Variants in SSBP3 observed in about 807,000 individuals in gnomAD.
SSBP3 encodes single stranded DNA binding protein 3, also known as single-stranded DNA-binding protein 3.
A neutral mutation model predicts 69.6 loss-of-function variants in SSBP3; 5 were observed. The ratio of observed to expected loss-of-function variants is 0.07; its 90% CI spans 0.04 to 0.15. SSBP3 has a LOEUF of 0.15. SSBP3 is among the 10% of genes least tolerant of loss of function. SSBP3 has a pLI of 1.00. For missense variants in SSBP3, 312 were observed against 534.0 expected (o/e 0.58, Z 4.10); for synonymous variants, 196 against 193.4 (o/e 1.01, Z -0.11).
chr1:54,385,927 C>T (rs890411562), intron 4 of SSBP3, among the ~76,000 whole-genome samples: 1 of 152,196 alleles, frequency 6.6e-6, no homozygotes, highest in African/African-American at 2.4e-5. Flanking sequence ...ACCCCATATT[C>T]ATCAGACACA....
At chr1:54,290,137 A>G (rs1467843797) in intron 4 of SSBP3, among the ~76,000 whole-genome samples, 7 of 152,214 alleles carry the variant, frequency 4.6e-5, no homozygotes, top group Admixed American at 4.6e-4. Context: ...TCTCTGATAC[A>G]AATTTCAGAA....
intron 3 of SSBP3, among the ~76,000 whole-genome samples, chr1:54,402,254 G>A (rs186234704): frequency 8.2e-4 from 125 of 152,210 alleles, no homozygotes; most frequent in African/African-American, 2.9e-3. Flanking sequence ...CTTTACACAG[G>A]GGGCAACTGA....
chr1:54,327,190 C>A (rs1314192099), intron 4 of SSBP3, among the ~76,000 whole-genome samples: 2 of 148,158 alleles, frequency 1.3e-5, no homozygotes, highest in Non-Finnish European at 3.0e-5. Flanking sequence ...TCTCCCGCTT[C>A]CTAATGCTCA....
chr1:54,403,507 G>A (rs1248638578), intron 3 of SSBP3, among the ~76,000 whole-genome samples: 1 of 152,174 alleles, frequency 6.6e-6, no homozygotes, highest in African/African-American at 2.4e-5. Context: ...TCCTACAGGT[G>A]GAATCCTTCC....
rs145174121 is a variant in SSBP3 at position 54,316,073 on chromosome 1, G to A, written c.277-34546C>T. On this transcript the variant is annotated intron_variant, in intron 4 of 17. Transcript: ENST00000610401. ...CTGGGAATTTATTCTAACTGGGCGC[G>A]GTGGCTCACGCCTGTAATCCCAGCA... 1.3e-3 allele frequency among the ~76,000 whole-genome samples: 199 copies of A among 152,254 alleles called. 1 individual carries two copies. The highest frequency in any genetic ancestry group is 2.3e-3 in the Non-Finnish European group (153 of 67,998).
At chr1:54,240,994 C>T (rs374134239) in intron 12 of SSBP3, 35 bp from the exon 13 acceptor site, 16 of 1,585,064 alleles carry the variant, frequency 1.0e-5, no homozygotes, top group Admixed American at 3.5e-5. Context: ...CAGACACCCA[C>T]GGTGGTAACG....
At chr1:54,349,366 T>C (rs1034746320) in intron 4 of SSBP3, among the ~76,000 whole-genome samples, 1 of 152,214 alleles carries the variant, frequency 6.6e-6, no homozygotes, top group Admixed American at 6.5e-5. Context: ...TTGTTTGTTA[T>C]GTGAGCAAAA....
At chr1:54,238,833 C>T (rs1486066499) in intron 14 of SSBP3, 2 of 419,628 alleles carry the variant, frequency 4.8e-6, no homozygotes, top group South Asian at 2.2e-5. Flanking sequence ...ACCCCACCTA[C>T]AGCATGGCGC....
chr1:54,230,451 AATGT>A (rs2100559491), intron 14 of SSBP3, among the ~76,000 whole-genome samples: 1 of 152,314 alleles, frequency 6.6e-6, no homozygotes, highest in Admixed American at 6.5e-5. Flanking sequence ...CTTTAACATC[AATGT>A]ATTAAGAAAC....
chr1:54,323,790 T>G (rs1447958251), intron 4 of SSBP3, among the ~76,000 whole-genome samples: 2 of 151,918 alleles, frequency 1.3e-5, no homozygotes, highest in Non-Finnish European at 2.9e-5. Flanking sequence ...AACCCAAAAG[T>G]GAGGCTGCAA....
chr1:54,324,153 G>A (rs1223893466), intron 4 of SSBP3, among the ~76,000 whole-genome samples: 1 of 152,182 alleles, frequency 6.6e-6, no homozygotes, highest in African/African-American at 2.4e-5. Flanking sequence ...GGTTTGTCAG[G>A]CTCCAACCAG....
intron 1 of SSBP3, among the ~76,000 whole-genome samples, chr1:54,405,273 C>A (rs1051782215): frequency 6.6e-6 from 1 of 152,230 alleles, no homozygotes; most frequent in Admixed American, 6.5e-5. Context: ...TCGCTACGCT[C>A]TCGCCAGCTT....
At chr1:54,390,343 C>CT (rs778295812) in intron 4 of SSBP3, among the ~76,000 whole-genome samples, 2 of 152,212 alleles carry the variant, frequency 1.3e-5, no homozygotes, top group Non-Finnish European at 2.9e-5. Context: ...CTGTCACTCT[C>CT]TAAAATCCCA....
chr1:54,265,460 C>T (rs748054233), intron 5 of SSBP3, among the ~76,000 whole-genome samples: 30 of 152,196 alleles, frequency 2.0e-4, no homozygotes, highest in East Asian at 3.8e-4. Context: ...GGTGGGTCCT[C>T]AGGGGGCTGA....
intron 4 of SSBP3, among the ~76,000 whole-genome samples, chr1:54,353,898 A>G (rs1443341733): frequency 2.0e-5 from 3 of 152,244 alleles, no homozygotes; most frequent in African/African-American, 7.2e-5. Context: ...GAGGGACTGC[A>G]GATGATCAGG....
intron 14 of SSBP3, among the ~76,000 whole-genome samples, chr1:54,233,550 CCCCCGCCCGGCCAGCCG>C (rs1217301918): frequency 1.4e-5 from 2 of 146,988 alleles, no homozygotes; most frequent in East Asian, 4.0e-4. Flanking sequence ...GGGGGTAAGC[CCCCCGCCCGGCCAGCCG>C]CCCCGTCGGG....
chr1:54,373,911 C>T (rs1332364653), intron 4 of SSBP3, among the ~76,000 whole-genome samples: 2 of 152,144 alleles, frequency 1.3e-5, no homozygotes, highest in African/African-American at 4.8e-5. Context: ...TGAGTTGTTT[C>T]CCATGGTGTG....
intron 5 of SSBP3, among the ~76,000 whole-genome samples, chr1:54,270,063 T>C (rs1270455302): frequency 6.6e-6 from 1 of 152,214 alleles, no homozygotes; most frequent in African/African-American, 2.4e-5. Context: ...TGTCAGCCTC[T>C]GGGAAGGAGC....
At chr1:54,234,397 G>A (rs895498573) in intron 14 of SSBP3, among the ~76,000 whole-genome samples, 5 of 149,196 alleles carry the variant, frequency 3.4e-5, no homozygotes, top group Non-Finnish European at 6.0e-5. Context: ...AATAAATTAG[G>A]GGCAACATAG....
Sources: gnomAD v4.1 joint callset for allele counts (sites outside exome capture counted in the v4.1 genomes callset) on GRCh38, gnomAD v4.1.1 for gene constraint, MANE v1.5 for transcripts, NCBI Gene and HGNC (gene_info 2026-07-23, HGNC 2026-07-21) for gene names.